CKB: variants seen among roughly 807,000 people sequenced by gnomAD.
The protein encoded by CKB is creatine kinase B-type.
A neutral mutation model predicts 36.9 loss-of-function variants in CKB; 15 were observed. The ratio of observed to expected loss-of-function variants is 0.41; its 90% CI spans 0.27 to 0.63. The LOEUF is 0.63. Among genes scored for constraint, CKB ranks in the 20% least tolerant of loss-of-function variants. The pLI is 0.34. For missense variants in CKB, 413 were observed against 534.9 expected (o/e 0.77, Z 2.25); for synonymous variants, 250 against 228.2 (o/e 1.10, Z -0.86).
chr14:103,522,390 G>A lies in CKB; in HGVS notation c.104C>T (p.Thr35Ile), dbSNP rs768226434. The A allele has an allele frequency of 6.2e-7, 1 of 1,611,168 alleles. No individual in the cohort carries two copies. Among genetic ancestry groups the A allele is most frequent in the Non-Finnish European group, 8.5e-7 (1 of 1,179,104 alleles). Residue 35 changes from threonine (T) to isoleucine (I), a missense_variant, in exon 2 of 8, where the codon ACC (threonine) becomes ATC (isoleucine). Physicochemically the swap from Thr to Ile is moderately conservative, Grantham distance 89 (BLOSUM62 -1). Around this residue, in one of 3 missense-constraint regions of CKB, gnomAD observed 74 missense variants for 70.6 expected, o/e 1.05. Transcript: ENST00000348956. The surrounding 1 kb of genome is among the most constrained non-coding windows in gnomAD (Gnocchi z 6.7). The stretch of plus-strand genomic sequence containing the variant: ...GCGCAGCTCCGCGTACAGCTCGGGG[G>A]TCAGCACCTTGGCCATGTGGTTGTT... ...AHNNHMAKVL[T>I]PELYAELRAK...
At position 103,520,641 on chromosome 14, in the gene CKB, G is replaced by A. The variant is rs200697777; in HGVS notation, c.654-49C>T. 187 of 1,569,962 alleles carry A rather than the reference G, an allele frequency of 1.2e-4. No individual in the cohort carries two copies. In the African/African-American group the frequency reaches 2.1e-3, roughly 17 times the overall value. On this transcript the variant is annotated intron_variant, in intron 5 of 7. Coordinates refer to ENST00000348956, the MANE Select transcript of CKB (RefSeq NM_001823.5). ...CATACCCAGAAAAAAGCCCCAGGCC[G>A]CCCCCAGACCAAAGGAACTTCCCAA...
rs767666377 is a variant in CKB at position 103,522,527 on chromosome 14, G to T, written c.-12-22C>A. On this transcript the variant is annotated intron_variant, in intron 1 of 7. Coordinates refer to ENST00000348956, the MANE Select transcript of CKB (RefSeq NM_001823.5). The surrounding 1 kb of genome is among the most constrained non-coding windows in gnomAD (Gnocchi z 6.7). Reference sequence around the variant, plus strand: ...CGGGCTGCGGGGAGACGCGGGGTCAGAGGGGACCGGCACGCCGGGGTTCCC... The same window carrying T: ...CGGGCTGCGGGGAGACGCGGGGTCATAGGGGACCGGCACGCCGGGGTTCCC... 3 of 1,542,662 alleles carry T rather than the reference G, an allele frequency of 1.9e-6. No individual in the cohort carries two copies. The South Asian group carries it at 3.5e-5, about 18-fold the overall frequency.
At chr14:103,521,680 G>T in intron 4 of CKB, 138 bp downstream of exon 4, 2 of 1,117,424 alleles carry the variant, frequency 1.8e-6, no homozygotes, top group Non-Finnish European at 2.3e-6. Context: ...CGGTCCCTCC[G>T]GGAAACTGAA....
chr14:103,520,871 T>C (rs2075895218), intron 5 of CKB: 2 of 506,560 alleles, frequency 3.9e-6, no homozygotes, highest in Admixed American at 3.5e-5. Flanking sequence ...GTAGGAGCCC[T>C]GCCCCTGGAG....
chr14:103,520,544 G>A lies in CKB; in HGVS notation c.702C>T (p.His234=). Residue 234 remains histidine (H), a synonymous_variant, in exon 6 of 8, where the codon CAC becomes CAT. Coordinates refer to ENST00000348956, the MANE Select transcript of CKB (RefSeq NM_001823.5). ...TFLVWVNEED[H]LRVISMQKGG... ...CCTTCTGCATGGAGATGACCCGCAG[G>A]TGGTCCTCCTCGTTGACCCACACCA... The A allele has an allele frequency of 6.2e-7, 1 of 1,613,052 alleles. No individual in the cohort carries two copies. Among genetic ancestry groups the A allele is most frequent in the Non-Finnish European group, 8.5e-7 (1 of 1,179,720 alleles).
rs1287648394 is a variant in CKB, at chr14:103,522,146, C to A, written c.225G>T (p.Val75=). Residue 75 remains valine, a synonymous_variant, in exon 3 of 8, where the codon GTG becomes GTT. Transcript: ENST00000348956. This position sits in a 1 kb window ranked among gnomAD's most constrained non-coding sequence, Gnocchi z 6.7. The part of the protein sequence containing the change: ...GHPYIMTVGC[V]AGDEESYEVF... The stretch of plus-strand genomic sequence containing the variant: ...CTTCGTAGGACTCCTCGTCGCCCGC[C>A]ACGCAGCCCACGGTCATGATGTACG... 6.2e-7 allele frequency: 1 copy of A among 1,603,454 alleles called. No homozygotes were observed. The highest frequency in any genetic ancestry group is 1.7e-4 in the Middle Eastern group (1 of 5,958).
At position 103,521,322 on chromosome 14, in the gene CKB, C is replaced by T; in HGVS notation, c.594G>A (p.Val198=). The T allele has an allele frequency of 6.2e-7, 1 of 1,608,736 alleles. No individual in the cohort carries two copies. Among genetic ancestry groups the T allele is most frequent in the Non-Finnish European group, 8.5e-7 (1 of 1,179,042 alleles). Residue 198 remains valine (V), a synonymous_variant, in exon 5 of 8, where the codon GTG becomes GTA. Coordinates refer to ENST00000348956, the MANE Select transcript of CKB (RefSeq NM_001823.5). The part of the protein sequence containing the change: ...IDDHFLFDKP[V]SPLLLASGMA... ...TGCCCGAGGCCAGCAGCAGGGGCGA[C>T]ACGGGCTTGTCGAAGAGGAAGTGGT... is the stretch of plus-strand genomic sequence containing the variant.
Position 103,520,745 on chromosome 14 carries a change from G to T in CKB, c.654-153C>A, listed in dbSNP as rs1429886597. The T allele has an allele frequency of 1.6e-5, 17 of 1,081,814 alleles. No homozygotes were observed. In the East Asian group the frequency reaches 4.3e-4, roughly 28 times the overall value. The allele number at this position is 1,081,814 out of a possible 1,614,324, so 67.0% of individuals were successfully genotyped here. On this transcript the variant is annotated intron_variant, in intron 5 of 7. Transcript: ENST00000348956. The stretch of plus-strand genomic sequence containing the variant: ...CTCCACCCGCCAACACGGGGCGGGC[G>T]GGGGAACCGGGACGCCTCACAGCAG...
chr14:103,521,696 G>T (rs978651402), intron 4 of CKB, 122 bp downstream of exon 4: 2 of 1,160,910 alleles, frequency 1.7e-6, no homozygotes, highest in South Asian at 4.5e-5. Flanking sequence ...CTGAACCCGG[G>T]CGCGCGCAGA....
At chr14:103,520,641 G>C (rs200697777) in intron 5 of CKB, 49 bp from the exon 6 acceptor site, 2 of 1,569,964 alleles carry the variant, frequency 1.3e-6, no homozygotes, top group Admixed American at 1.8e-5. Flanking sequence ...GCCCCAGGCC[G>C]CCCCCAGACC....
rs1458951018 is a variant in CKB, at chr14:103,522,811, C to G, written c.-58G>C. The G allele has an allele frequency of 3.3e-5, 5 of 151,136 alleles. No homozygotes were observed. Among genetic ancestry groups the G allele is most frequent in the Non-Finnish European group, 5.9e-5 (4 of 67,600 alleles). 9.4% of individuals were successfully genotyped at this position (151,136 alleles called of 1,614,324 possible). A position where few individuals can be genotyped will look rare whatever the true frequency, so the allele number is the denominator to read the frequency against. On this transcript the variant is annotated 5_prime_UTR_variant, in exon 1 of 8. Transcript: ENST00000348956. This position sits in a 1 kb window ranked among gnomAD's most constrained non-coding sequence, Gnocchi z 6.7. ...GGGGCGCTCCGTCCGTCGGCAGCTC[C>G]CGGAGCGACGCAGGCGAACAGCGGC...
At chr14:103,521,178 G>A (rs954621077) in intron 5 of CKB, 85 bp downstream of exon 5, 4 of 1,474,794 alleles carry the variant, frequency 2.7e-6, no homozygotes, top group African/African-American at 2.8e-5. Flanking sequence ...GCCGCGAGGG[G>A]CCCCACCCCC....
rs1489642116 is a variant in CKB, at chr14:103,519,834, G to A, written c.*30C>T. The A allele has an allele frequency of 6.4e-7, 1 of 1,572,550 alleles. No homozygotes were observed. ...TGCCCAGGCAATAAGTTAGGAAGCA[G>A]CAGGGCTGGTGTCGGGTGTGGGCCG... On this transcript the variant is annotated 3_prime_UTR_variant, in exon 8 of 8. Coordinates refer to ENST00000348956, the MANE Select transcript of CKB (RefSeq NM_001823.5).
chr14:103,521,921 C>G lies in CKB; in HGVS notation c.378G>C (p.Val126=), dbSNP rs1310444319. 1 of 1,581,854 alleles carries G rather than the reference C, an allele frequency of 6.3e-7. No individual in the cohort carries two copies. Among genetic ancestry groups the G allele is most frequent in the Non-Finnish European group, 8.5e-7 (1 of 1,171,818 alleles). The change falls in exon 4 of 8, where the codon GTG becomes GTC. Residue 126 remains valine (V), a synonymous_variant. Coordinates refer to ENST00000348956, the MANE Select transcript of CKB (RefSeq NM_001823.5). ...GGCCCGTGCGCACCCGCGAGCTCAG[C>G]ACGTAGTTGGGGTCCAGGTCGTCGC... is the stretch of plus-strand genomic sequence containing the variant. ...QGGDDLDPNY[V]LSSRVRTGRS... is the part of the protein sequence containing the mutation.
At chr14:103,520,727 C>T (rs1194185590) in intron 5 of CKB, 135 bp from the exon 6 acceptor site, 17 of 1,280,682 alleles carry the variant, frequency 1.3e-5, no homozygotes, top group Admixed American at 5.7e-5. Context: ...AGACTCCACC[C>T]GCCAACACGG....
chr14:103,520,025 C>T lies in CKB; in HGVS notation c.985G>A (p.Ala329Thr). The T allele has an allele frequency of 1.2e-6, 2 of 1,610,290 alleles. No individual in the cohort carries two copies. Among genetic ancestry groups the T allele is most frequent in the Non-Finnish European group, 1.7e-6 (2 of 1,179,892 alleles). ...GAGACGTCGAAGACCCCGCCCACCG[C>T]AGCCGTGTCCACACCGCCTGGGGAG... ...KRGTGGVDTA[A>T]VGGVFDVSNA... is the part of the protein sequence containing the mutation. The change falls in exon 8 of 8, where the codon GCG becomes ACG. Residue 329 changes from alanine to threonine, a missense_variant. By Grantham distance (58) the Ala-to-Thr change is moderately conservative. Transcript: ENST00000348956.
At chr14:103,520,681 G>C (rs1348496243) in intron 5 of CKB, 89 bp from the exon 6 acceptor site, 1 of 1,472,854 alleles carries the variant, frequency 6.8e-7, no homozygotes, top group Admixed American at 2.3e-5. Flanking sequence ...CTGAGGTGCT[G>C]CTCCCTGCCA....
intron 4 of CKB, 126 bp downstream of exon 4, chr14:103,521,692 C>G: frequency 8.6e-7 from 1 of 1,161,158 alleles, no homozygotes; most frequent in Non-Finnish European, 1.1e-6. Flanking sequence ...GAAACTGAAC[C>G]CGGGCGCGCG....
At chr14:103,521,587 G>C (rs1752025897) in intron 4 of CKB, 153 bp from the exon 5 acceptor site, 6 of 917,170 alleles carry the variant, frequency 6.5e-6, no homozygotes, top group Non-Finnish European at 8.9e-6. Context: ...CCCGGGCGAC[G>C]GTCCCAGGCG....
Sources: gnomAD v4.1 joint callset for allele counts on GRCh38, gnomAD v4.1.1 for gene constraint, gnomAD v4.1.1 regional missense constraint, Gnocchi (gnomAD v3.1) non-coding constraint, MANE v1.5 for transcripts, NCBI Gene and HGNC (gene_info 2026-07-23, HGNC 2026-07-21) for gene names.